The following KCNMA1 variants were observed in gnomAD, a reference collection of about 807,000 sequenced individuals.
The protein encoded by KCNMA1 is Calcium-activated potassium channel subunit alpha-1.
KCNMA1 carries 29 observed loss-of-function variants against 140.0 expected under a neutral mutation model. The observed-to-expected ratio is 0.21, with a 90% CI of 0.15 to 0.28. The LOEUF is 0.28. Among genes scored for constraint, KCNMA1 ranks in the 10% least tolerant of loss-of-function variants. The pLI is 1.00. For missense variants in KCNMA1, 880 were observed against 1,602.2 expected (o/e 0.55, Z 7.70); for synonymous variants, 612 against 611.9 (o/e 1.00, Z 0.00).
rs762567580 is a variant in KCNMA1 at position 77,177,927 on chromosome 10, TTTG to T, written c.808+5491_808+5493del. ...TCAAACAGGAACAATGTTTTGTCCT[TTTG>T]TTGTTGTTGTTTTTAAGCACCTGTG... On this transcript the variant is annotated intron_variant, in intron 5 of 27. Transcript: ENST00000286628. Among the ~76,000 whole-genome samples, 3 of 152,300 alleles carry T rather than the reference TTTG, an allele frequency of 2.0e-5. No individual in the cohort carries two copies. In the East Asian group the frequency reaches 5.8e-4, roughly 29 times the overall value.
chr10:77,343,634 C>G (rs180851054), intron 2 of KCNMA1, among the ~76,000 whole-genome samples: 1 of 152,054 alleles, frequency 6.6e-6, no homozygotes, highest in African/African-American at 2.4e-5. Flanking sequence ...TATATTCTAG[C>G]GAGGAGACAC....
chr10:77,053,390 C>T (rs1054884873), intron 14 of KCNMA1, among the ~76,000 whole-genome samples: 14 of 152,176 alleles, frequency 9.2e-5, no homozygotes, highest in African/African-American at 3.4e-4. Flanking sequence ...CAGACAGATG[C>T]ACCTAGTTCT....
chr10:77,387,686 C>T (rs1476041262), intron 2 of KCNMA1, among the ~76,000 whole-genome samples: 2 of 149,954 alleles, frequency 1.3e-5, no homozygotes, highest in African/African-American at 2.5e-5. Flanking sequence ...AGCGTGATCT[C>T]GGCTCACTGC....
intron 2 of KCNMA1, among the ~76,000 whole-genome samples, chr10:77,396,659 G>A (rs147926968): frequency 0.033 from 5,096 of 152,274 alleles, 110 homozygotes; most frequent in Middle Eastern, 0.082. Context: ...TCCAGGCTAT[G>A]TATATAACGT....
At chr10:77,016,738 C>T (rs2092114297) in intron 17 of KCNMA1, among the ~76,000 whole-genome samples, 1 of 152,058 alleles carries the variant, frequency 6.6e-6, no homozygotes, top group African/African-American at 2.4e-5. Context: ...AGAGCAAGTA[C>T]CCAAATGCCC....
chr10:77,153,516 C>G (rs1179056198), intron 5 of KCNMA1, among the ~76,000 whole-genome samples: 1 of 152,096 alleles, frequency 6.6e-6, no homozygotes, highest in Non-Finnish European at 1.5e-5. Flanking sequence ...GGACTACAGG[C>G]ATGCACCTCT....
Position 76,885,548 on chromosome 10 carries a change from C to T in KCNMA1, c.*1718G>A, listed in dbSNP as rs1227788427. ...GGGACGGGGGATCCAAAATCTAAAT[C>T]CAAAACATTCACCATAAAAACACCT... On this transcript the variant is annotated 3_prime_UTR_variant, in exon 28 of 28. Transcript: ENST00000286628. The T allele has an allele frequency of 1.0e-6, 1 of 985,116 alleles. No individual in the cohort carries two copies. Among genetic ancestry groups the T allele is most frequent in the African/African-American group, 1.7e-5 (1 of 57,174 alleles). 61.0% of individuals were successfully genotyped at this position (985,116 alleles called of 1,614,324 possible).
At chr10:77,228,047 C>T (rs1428258708) in intron 3 of KCNMA1, among the ~76,000 whole-genome samples, 1 of 150,794 alleles carries the variant, frequency 6.6e-6, no homozygotes, top group African/African-American at 2.5e-5. Context: ...TCACTGGAAC[C>T]TCCACCTCCA....
intron 10 of KCNMA1, among the ~76,000 whole-genome samples, chr10:77,088,242 T>C (rs771110989): frequency 6.6e-6 from 1 of 152,046 alleles, no homozygotes; most frequent in Non-Finnish European, 1.5e-5. Flanking sequence ...ATTACAGGCA[T>C]GAGCCACCAT....
chr10:77,511,154 C>T (rs1195298419), intron 1 of KCNMA1, among the ~76,000 whole-genome samples: 2 of 152,194 alleles, frequency 1.3e-5, no homozygotes, highest in African/African-American at 4.8e-5. Flanking sequence ...GTCCTGGGCC[C>T]CAGCCTCAGT....
intron 23 of KCNMA1, among the ~76,000 whole-genome samples, chr10:76,920,198 T>C (rs917103776): frequency 9.3e-5 from 14 of 151,250 alleles, no homozygotes; most frequent in Non-Finnish European, 1.6e-4. Context: ...ATTGTTTTTA[T>C]GAGACTCAAA....
At chr10:77,095,488 G>A (rs1212367350) in intron 9 of KCNMA1, among the ~76,000 whole-genome samples, 1 of 152,148 alleles carries the variant, frequency 6.6e-6, no homozygotes, top group Non-Finnish European at 1.5e-5. Context: ...GCCTGGTGCT[G>A]GGTCAGGGCT....
intron 5 of KCNMA1, among the ~76,000 whole-genome samples, chr10:77,180,318 TG>T (rs1336416603): frequency 2.0e-5 from 3 of 152,196 alleles, no homozygotes; most frequent in Non-Finnish European, 2.9e-5. Flanking sequence ...ATTGGTACAA[TG>T]GTTGTTTCAC....
chr10:76,892,017 C>A (rs2040299539), intron 25 of KCNMA1, among the ~76,000 whole-genome samples: 1 of 152,084 alleles, frequency 6.6e-6, no homozygotes, highest in East Asian at 1.9e-4. Context: ...AGTAGGGATA[C>A]AAATATTGCC....
chr10:77,047,698 A>T (rs916811316), intron 14 of KCNMA1, among the ~76,000 whole-genome samples: 1 of 151,250 alleles, frequency 6.6e-6, no homozygotes, highest in Non-Finnish European at 1.5e-5. Flanking sequence ...AGATTGGCCT[A>T]TTCACTCTCT....
chr10:77,608,535 C>CCA (rs1603638381), intron 1 of KCNMA1, among the ~76,000 whole-genome samples: 3 of 152,136 alleles, frequency 2.0e-5, no homozygotes, highest in Admixed American at 1.3e-4. Context: ...GGATGCACCC[C>CCA]CACACACACA....
chr10:77,547,142 A>C (rs144167399), intron 1 of KCNMA1, among the ~76,000 whole-genome samples: 1 of 152,322 alleles, frequency 6.6e-6, no homozygotes, highest in Non-Finnish European at 1.5e-5. Context: ...AGATGCTAAT[A>C]GCAAGGGTGT....
At chr10:77,608,180 T>A (rs2085249971) in intron 1 of KCNMA1, among the ~76,000 whole-genome samples, 1 of 151,848 alleles carries the variant, frequency 6.6e-6, no homozygotes, top group Admixed American at 6.6e-5. Flanking sequence ...AGATCTCATT[T>A]CTTTTTTTTG....
In KCNMA1 at chr10:77,476,498, C is replaced by T. The variant is rs185363730; in HGVS notation, c.379-72475G>A. Among the ~76,000 whole-genome samples, 9 of 152,316 alleles carry T rather than the reference C, an allele frequency of 5.9e-5. No homozygotes were observed. The East Asian group carries it at 7.7e-4, about 13-fold the overall frequency. On this transcript the variant is annotated intron_variant, in intron 1 of 27. Coordinates refer to ENST00000286628, the MANE Select transcript of KCNMA1 (RefSeq NM_001161352.2). ...CTGCTGCTCGGTCAGGGCCACTGTC[C>T]GAAGGCCTTAGCACAGGGATCCCTC...
Sources: gnomAD v4.1 joint callset for allele counts (sites outside exome capture counted in the v4.1 genomes callset) on GRCh38, gnomAD v4.1.1 for gene constraint, MANE v1.5 for transcripts, NCBI Gene and HGNC (gene_info 2026-07-23, HGNC 2026-07-21) for gene names.